The following CCDC146 variants were observed in gnomAD, a reference collection of about 807,000 sequenced individuals.
The protein encoded by CCDC146 is coiled-coil domain-containing protein 146.
CCDC146 carries 92 observed loss-of-function variants against 119.3 expected under a neutral mutation model. The observed-to-expected ratio is 0.77, with a 90% confidence interval of 0.65 to 0.92. The LOEUF (loss-of-function observed/expected upper bound fraction) is 0.92, where lower values mean the gene tolerates loss of function less well. Ranked by LOEUF, CCDC146 falls within the 40% of genes least tolerant of loss-of-function variation. CCDC146 has a pLI of 0.00. For synonymous variants in CCDC146, 372 were observed against 371.8 expected, an observed-to-expected ratio of 1.00 and a Z score of -0.01; for missense variants, 1,000 against 1,103.0, an observed-to-expected ratio of 0.91 and a Z score of 1.32.
At chr7:77,238,794 T>C (rs1357910057) in intron 3 of CCDC146, among the ~76,000 whole-genome samples, 2 of 152,104 alleles carry the variant, frequency 1.3e-5, no homozygotes, top group Non-Finnish European at 2.9e-5. Context: ...GGCCCACAAC[T>C]CAGTTCCCTG....
intron 1 of CCDC146, among the ~76,000 whole-genome samples, chr7:77,132,339 A>G (rs1790796050): frequency 6.6e-6 from 1 of 152,084 alleles, no homozygotes; most frequent in Non-Finnish European, 1.5e-5. Context: ...TGAGCAAATC[A>G]AAATCAATAA....
chr7:77,234,593 G>C (rs1792698403), intron 2 of CCDC146, among the ~76,000 whole-genome samples: 1 of 152,100 alleles, frequency 6.6e-6, no homozygotes, highest in South Asian at 2.1e-4. Flanking sequence ...AAATTAGCCA[G>C]GTGTGGTGGC....
intron 5 of CCDC146, among the ~76,000 whole-genome samples, chr7:77,256,047 C>T (rs376006204): frequency 6.6e-5 from 10 of 151,910 alleles, no homozygotes; most frequent in South Asian, 2.1e-4. Flanking sequence ...TAAAATGAAA[C>T]GTTTTTAAAT....
intron 1 of CCDC146, among the ~76,000 whole-genome samples, chr7:77,162,967 T>G (rs1340065208): frequency 6.6e-6 from 1 of 152,200 alleles, no homozygotes; most frequent in African/African-American, 2.4e-5. Flanking sequence ...ATACTTTACT[T>G]GCTCTAAAAT....
At chr7:77,143,197 G>C (rs944656465) in intron 1 of CCDC146, among the ~76,000 whole-genome samples, 3 of 151,800 alleles carry the variant, frequency 2.0e-5, no homozygotes, top group African/African-American at 4.9e-5. Context: ...GTGTCTGTTG[G>C]CTGCATAAAT....
Position 77,129,863 on chromosome 7 carries a change from G to T in CCDC146, c.-12+7131G>T, listed in dbSNP as rs547856423. Among the ~76,000 whole-genome samples the T allele has an allele frequency of 1.5e-3, 229 of 151,980 alleles. 10 individuals carry two copies. The South Asian group carries it at 0.046, about 30-fold the overall frequency. On this transcript the variant is annotated intron_variant, in intron 1 of 18. Transcript: ENST00000285871. ...TTCTTCAAACATATTTATAATATCT[G>T]CTTTGAAGTCACTGTTAAATCAGAC...
intron 2 of CCDC146, among the ~76,000 whole-genome samples, chr7:77,218,558 A>G (rs1441865564): frequency 2.0e-5 from 3 of 151,938 alleles, no homozygotes; most frequent in Non-Finnish European, 4.4e-5. Flanking sequence ...ATCAAGCATA[A>G]TAATTTTTGA....
chr7:77,162,650 G>A (rs1584034313), intron 1 of CCDC146, among the ~76,000 whole-genome samples: 1 of 152,038 alleles, frequency 6.6e-6, no homozygotes, highest in Non-Finnish European at 1.5e-5. Context: ...TAAATTTTAG[G>A]ATTTTTTTTT....
At chr7:77,131,984 G>C (rs1033937811) in intron 1 of CCDC146, among the ~76,000 whole-genome samples, 3 of 152,196 alleles carry the variant, frequency 2.0e-5, no homozygotes, top group African/African-American at 7.2e-5. Flanking sequence ...TTGTAGTCAT[G>C]GTAACTTGCG....
In CCDC146 at chr7:77,283,043, T is replaced by C. The variant is rs527695783; in HGVS notation, c.2148+258T>C. ...GGAATTTGAAGACTCCCAGGACTTA[T>C]CTCTAGCTCAGCTTCCTCATAGCTC... On this transcript the variant is annotated intron_variant, in intron 15 of 18. Transcript: ENST00000285871. Among the ~76,000 whole-genome samples, 9 of 152,328 alleles carry C rather than the reference T, an allele frequency of 5.9e-5. No individual in the cohort carries two copies. The South Asian group carries it at 1.9e-3, about 32-fold the overall frequency.
At position 77,225,551 on chromosome 7, in the gene CCDC146, C is replaced by CT. The variant is rs754334403; in HGVS notation, c.157-11394dup. On this transcript the variant is annotated intron_variant, in intron 2 of 18. Coordinates refer to ENST00000285871, the MANE Select transcript of CCDC146 (RefSeq NM_020879.3). ...CCTGGGCAACAGAGCAAGACTTTGC[C>CT]TTAAAAAAAAAAACAAAAACTAGCA... is the stretch of plus-strand genomic sequence containing the variant. 7.3e-4 allele frequency among the ~76,000 whole-genome samples: 110 copies of CT among 150,702 alleles called. 1 individual carries two copies. The highest frequency in any genetic ancestry group is 3.1e-3 in the East Asian group (16 of 5,138).
chr7:77,153,245 C>T (rs1791131382), intron 1 of CCDC146, among the ~76,000 whole-genome samples: 1 of 152,168 alleles, frequency 6.6e-6, no homozygotes, highest in Admixed American at 6.5e-5. Flanking sequence ...CAAACAGATC[C>T]ATCTAGGTCC....
chr7:77,137,756 T>C (rs28807140), intron 1 of CCDC146, among the ~76,000 whole-genome samples: 20,726 of 151,972 alleles, frequency 0.14, 1,546 homozygotes, highest in Middle Eastern at 0.2. Flanking sequence ...TCCTAAAGTT[T>C]ATTTGAAGAG....
intron 2 of CCDC146, among the ~76,000 whole-genome samples, chr7:77,191,634 C>T (rs550169841): frequency 3.9e-5 from 6 of 152,216 alleles, no homozygotes; most frequent in East Asian, 1.9e-4. Flanking sequence ...TAGGGCCTGG[C>T]GCAGTGGCTC....
At chr7:77,211,043 TC>T (rs2150448357) in intron 2 of CCDC146, among the ~76,000 whole-genome samples, 1 of 152,344 alleles carries the variant, frequency 6.6e-6, no homozygotes, top group African/African-American at 2.4e-5. Context: ...TAGTTTTTAA[TC>T]TTTTAAAATT....
intron 5 of CCDC146, 69 bp downstream of exon 5, chr7:77,254,632 A>C: frequency 1.2e-6 from 1 of 863,418 alleles, no homozygotes; most frequent in South Asian, 1.6e-5. Flanking sequence ...ATAAATATTA[A>C]TGTTTATCAC....
chr7:77,294,305 A>T (rs1164187942), intron 18 of CCDC146, among the ~76,000 whole-genome samples: 1 of 152,238 alleles, frequency 6.6e-6, no homozygotes, highest in Non-Finnish European at 1.5e-5. Context: ...GCAGTCTTTG[A>T]AAAACACTAA....
chr7:77,141,076 C>T (rs2117416995), intron 1 of CCDC146, among the ~76,000 whole-genome samples: 1 of 152,264 alleles, frequency 6.6e-6, no homozygotes, highest in Admixed American at 6.5e-5. Context: ...CCTAGCCCCA[C>T]ACCCCCTGAC....
chr7:77,289,375 C>G (rs1015444826), intron 17 of CCDC146, among the ~76,000 whole-genome samples: 1 of 152,134 alleles, frequency 6.6e-6, no homozygotes, highest in South Asian at 2.1e-4. Context: ...AATTATTCTC[C>G]CCTTTCCTTT....
Sources: allele counts gnomAD v4.1 joint callset (sites outside exome capture counted in the v4.1 genomes callset), GRCh38; gene constraint gnomAD v4.1.1; transcripts MANE v1.5; gene names NCBI Gene and HGNC (gene_info 2026-07-23, HGNC 2026-07-21).